The following SCNN1G variants were observed in gnomAD, a reference collection of about 807,000 sequenced individuals.
SCNN1G encodes the protein sodium channel epithelial 1 subunit gamma.
SCNN1G carries 27 observed loss-of-function variants against 64.6 expected under a neutral mutation model. The observed-to-expected ratio is 0.42, with a 90% CI of 0.31 to 0.58. The LOEUF (loss-of-function observed/expected upper bound fraction) is 0.58. Ranked by LOEUF, SCNN1G falls within the 20% of genes least tolerant of loss-of-function variation. The pLI, the probability that SCNN1G is intolerant of heterozygous loss-of-function variation, is 0.18. For missense variants in SCNN1G, 743 were observed against 823.4 expected (o/e 0.90, Z 1.19); for synonymous variants, 330 against 314.2 (o/e 1.05, Z -0.53).
At chr16:23,211,938 A>G (rs1436818155) in intron 7 of SCNN1G, 96 bp from the exon 8 acceptor site, 2 of 917,036 alleles carry the variant, frequency 2.2e-6, no homozygotes, top group African/African-American at 1.6e-5. Context: ...GGCCAAGGTT[A>G]AGGGAGGCTG....
rs202245467 is a variant in SCNN1G, at chr16:23,213,139, G to A, written c.1469G>A (p.Arg490Gln). 22 of 1,613,296 alleles carry A rather than the reference G, an allele frequency of 1.4e-5. No homozygotes were observed. The highest frequency in any genetic ancestry group is 1.1e-4 in the East Asian group (5 of 44,852). Residue 490 changes from arginine to glutamine, a missense_variant, in exon 11 of 13, where the codon CGG (arginine) becomes CAG (glutamine). Coordinates refer to ENST00000300061, the MANE Select transcript of SCNN1G (RefSeq NM_001039.4). ...LLPVLTWDQG[R>Q]QVNKKLNKTD... ...CCTGTTCTCACTTGGGACCAAGGCC[G>A]GCAAGTAAACAAAAAGCTCAACAAG...
rs772181481 is a variant in SCNN1G, at chr16:23,215,167, A to T, written c.1648A>T (p.Ile550Phe). ...SCSVVCVIEI[I>F]EVFFIDFFSI... is the part of the protein sequence containing the mutation. The stretch of plus-strand genomic sequence containing the variant: ...CTCTGTTGTCTGCGTCATCGAGATC[A>T]TCGAGGTCTTCTTCATTGACTTCTT... The change falls in exon 13 of 13, where the codon ATC (isoleucine) becomes TTC (phenylalanine). Residue 550 changes from isoleucine (I) to phenylalanine (F), a missense_variant. Ile to Phe is a conservative substitution (Grantham distance 21). Transcript: ENST00000300061. 8 of 1,614,144 alleles carry T rather than the reference A, an allele frequency of 5.0e-6. No individual in the cohort carries two copies. The highest frequency in any genetic ancestry group is 6.8e-6 in the Non-Finnish European group (8 of 1,180,036).
At chr16:23,210,062 G>C (rs1049727249) in intron 7 of SCNN1G, among the ~76,000 whole-genome samples, 2 of 152,302 alleles carry the variant, frequency 1.3e-5, no homozygotes, top group Non-Finnish European at 1.5e-5. Context: ...GGTTTCTGTG[G>C]AACTCAATGT....
At chr16:23,184,175 A>G (rs1426778635) in intron 1 of SCNN1G, among the ~76,000 whole-genome samples, 2 of 147,880 alleles carry the variant, frequency 1.4e-5, no homozygotes, top group Non-Finnish European at 3.0e-5. Flanking sequence ...AAAGAGCAAG[A>G]TCAGTTCCCT....
At chr16:23,185,973 C>T (rs72646485) in intron 1 of SCNN1G, among the ~76,000 whole-genome samples, 2 of 152,144 alleles carry the variant, frequency 1.3e-5, no homozygotes, top group Admixed American at 6.5e-5. Flanking sequence ...TGCACCTCAC[C>T]CAGCCCCCGC....
intron 1 of SCNN1G, among the ~76,000 whole-genome samples, chr16:23,185,681 A>G (rs931640632): frequency 1.3e-5 from 2 of 152,208 alleles, no homozygotes; most frequent in South Asian, 2.1e-4. Flanking sequence ...GCTGGGGAAA[A>G]TGCAGCCAGG....
At chr16:23,191,981 C>T (rs761266437) in intron 3 of SCNN1G, among the ~76,000 whole-genome samples, 3 of 152,110 alleles carry the variant, frequency 2.0e-5, no homozygotes, top group Non-Finnish European at 4.4e-5. Flanking sequence ...GGCTGGAATC[C>T]AGATGTCTTG....
At chr16:23,189,349 C>T (rs1959665674) in intron 2 of SCNN1G, 22 bp from the exon 3 acceptor site, 4 of 1,611,746 alleles carry the variant, frequency 2.5e-6, no homozygotes, top group Non-Finnish European at 3.4e-6. Flanking sequence ...CTCTCCCTGA[C>T]TTTTCCTCCC....
intron 1 of SCNN1G, among the ~76,000 whole-genome samples, chr16:23,184,688 A>G (rs776092364): frequency 1.3e-5 from 2 of 152,096 alleles, no homozygotes; most frequent in African/African-American, 2.4e-5. Flanking sequence ...ATAAGCTTGG[A>G]AGCCTCCTAG....
At chr16:23,214,851 C>A in intron 12 of SCNN1G, 64 bp downstream of exon 12, 2 of 1,401,324 alleles carry the variant, frequency 1.4e-6, no homozygotes, top group Non-Finnish European at 2.0e-6. Flanking sequence ...TCTTCCTGGC[C>A]TTGGGGAGCA....
At position 23,192,550 on chromosome 16, in the gene SCNN1G, G is replaced by A. The variant is rs769404704; in HGVS notation, c.809+8G>A. Reference sequence around the variant, plus strand: ...AGTGTCCTGTGATGCCAGGTCAGGAGAGAATGCTGCTCTCTCAGCCTCTAA... The same window carrying A: ...AGTGTCCTGTGATGCCAGGTCAGGAAAGAATGCTGCTCTCTCAGCCTCTAA... On this transcript the variant is annotated splice_region_variant and intron_variant, in intron 4 of 12. Transcript: ENST00000300061. The A allele has an allele frequency of 4.4e-6, 7 of 1,608,956 alleles. No homozygotes were observed. The highest frequency in any genetic ancestry group is 4.0e-5 in the African/African-American group (3 of 74,808).
In SCNN1G at chr16:23,192,524, G is replaced by A. The variant is rs1959726074; in HGVS notation, c.791G>A (p.Gly264Glu). ...EELLVTCFFD[G>E]VSCDARNFTL... ...CTGCTGGTGACCTGCTTCTTTGATG[G>A]AGTGTCCTGTGATGCCAGGTCAGGA... The change falls in exon 4 of 13, where the codon GGA becomes GAA. Residue 264 changes from glycine (G) to glutamate (E), a missense_variant. Transcript: ENST00000300061. 1 of 1,612,258 alleles carries A rather than the reference G, an allele frequency of 6.2e-7. No individual in the cohort carries two copies. The highest frequency in any genetic ancestry group is 1.1e-5 in the South Asian group (1 of 90,958).
chr16:23,194,112 C>T (rs1217479122), intron 4 of SCNN1G, 59 bp from the exon 5 acceptor site: 3 of 1,190,344 alleles, frequency 2.5e-6, no homozygotes, highest in South Asian at 2.4e-5. Flanking sequence ...CTGCCCTGCC[C>T]AACTTCAGCT....
At chr16:23,196,981 G>A (rs1399982927) in intron 5 of SCNN1G, among the ~76,000 whole-genome samples, 2 of 152,190 alleles carry the variant, frequency 1.3e-5, no homozygotes, top group African/African-American at 4.8e-5. Flanking sequence ...CAGGCAGAGT[G>A]GCAATTTCCT....
chr16:23,186,359 C>A lies in SCNN1G; in HGVS notation c.88C>A (p.Arg30=). Residue 30 remains arginine, a synonymous_variant, in exon 2 of 13, where the codon CGG becomes AGG. Transcript: ENST00000300061. The part of the protein sequence containing the change: ...PQAPTIKELM[R]WYCLNTNTHG... ...GGCGCCGACCATTAAAGAGCTGATG[C>A]GGTGGTACTGCCTCAACACCAACAC... The A allele has an allele frequency of 6.2e-7, 1 of 1,614,224 alleles. No individual in the cohort carries two copies. The highest frequency in any genetic ancestry group is 1.3e-5 in the African/African-American group (1 of 75,070).
intron 10 of SCNN1G, 28 bp downstream of exon 10, chr16:23,212,922 C>T (rs373818309): frequency 6.2e-7 from 1 of 1,609,334 alleles, no homozygotes; most frequent in East Asian, 2.2e-5. Context: ...CCCTTCCCCA[C>T]TGAAGCCCCC....
intron 6 of SCNN1G, among the ~76,000 whole-genome samples, chr16:23,204,219 C>T (rs1416673687): frequency 6.9e-6 from 1 of 145,720 alleles, no homozygotes; most frequent in East Asian, 2.0e-4. Context: ...GCAGAGATTG[C>T]AATGAGCTGT....
intron 8 of SCNN1G, 113 bp from the exon 9 acceptor site, chr16:23,212,565 T>C (rs1353223837): frequency 2.4e-6 from 2 of 825,446 alleles, no homozygotes; most frequent in East Asian, 2.5e-5. Context: ...TGGTAGAAAG[T>C]GGGAGGAGAA....
chr16:23,205,517 G>A (rs767398205), intron 6 of SCNN1G, among the ~76,000 whole-genome samples: 3 of 152,068 alleles, frequency 2.0e-5, no homozygotes, highest in Non-Finnish European at 4.4e-5. Flanking sequence ...GACCAACATG[G>A]TGAAACCCCA....
Sources: gnomAD v4.1 joint callset for allele counts (sites outside exome capture counted in the v4.1 genomes callset) on GRCh38, gnomAD v4.1.1 for gene constraint, MANE v1.5 for transcripts, NCBI Gene and HGNC (gene_info 2026-07-23, HGNC 2026-07-21) for gene names.